MYO1H: variants seen among roughly 807,000 people sequenced by gnomAD.
The protein encoded by MYO1H is myosin IH.
Under a neutral mutation model 149.3 loss-of-function variants are expected in MYO1H, and 118 were observed. The ratio of observed to expected loss-of-function variants is 0.79; its 90% CI spans 0.68 to 0.92. The LOEUF is 0.92. Ranked by LOEUF, MYO1H falls within the 40% of genes least tolerant of loss-of-function variation. The pLI is 0.00. For missense variants in MYO1H, 1,212 were observed against 1,280.7 expected, an observed-to-expected ratio of 0.95 and a Z score of 0.82; for synonymous variants, 447 against 465.2, an observed-to-expected ratio of 0.96 and a Z score of 0.50.
At chr12:109,342,670 G>GT in the MYO1H span, among the ~76,000 whole-genome samples, 1 of 149,856 alleles carries the variant, frequency 6.7e-6, no homozygotes, top group Non-Finnish European at 1.5e-5. Context: ...AGCCTTCCAA[G>GT]TATTTGGGAC....
intron 6 of MYO1H, among the ~76,000 whole-genome samples, chr12:109,403,710 A>G (rs1055635493): frequency 6.6e-6 from 1 of 152,228 alleles, no homozygotes; most frequent in Non-Finnish European, 1.5e-5. Context: ...TAAGAAAACT[A>G]TGTTTAAAAA....
chr12:109,397,818 C>T lies in MYO1H; in HGVS notation c.570+6C>T. 2 of 1,603,092 alleles carry T rather than the reference C, an allele frequency of 1.2e-6. No individual in the cohort carries two copies. The highest frequency in any genetic ancestry group is 2.3e-5 in the East Asian group (1 of 44,258). ...ATATACAATTTGATTTTCAGGTACA[C>T]TGAAGCTCCTATTACTGGTTCATGG... On this transcript the variant is annotated splice_donor_region_variant and intron_variant, in intron 5 of 31. Coordinates refer to ENST00000310903, the Ensembl canonical transcript of MYO1H.
exon 22 of MYO1H, chr12:109,436,506 C>G: frequency 6.2e-7 from 1 of 1,611,274 alleles, no homozygotes; most frequent in Non-Finnish European, 8.5e-7. Context: ...ATCCAAGCCA[C>G]TTACAAACGC....
the MYO1H span, among the ~76,000 whole-genome samples, chr12:109,324,444 G>A: frequency 6.6e-6 from 1 of 152,206 alleles, no homozygotes; most frequent in African/African-American, 2.4e-5. Flanking sequence ...AGATACTGTT[G>A]TGAATGTCTT....
the MYO1H span, among the ~76,000 whole-genome samples, chr12:109,335,334 C>T: frequency 2.3e-4 from 35 of 152,162 alleles, no homozygotes; most frequent in South Asian, 1.2e-3. Context: ...GTGCCATATA[C>T]TTTGAAACAA....
the MYO1H span, among the ~76,000 whole-genome samples, chr12:109,339,863 G>A: frequency 1.3e-5 from 2 of 152,132 alleles, no homozygotes; most frequent in African/African-American, 4.8e-5. Flanking sequence ...TGCACTGCTG[G>A]GAATGTCAAT....
chr12:109,416,831 T>C (rs1345149229), intron 15 of MYO1H, among the ~76,000 whole-genome samples: 1 of 151,864 alleles, frequency 6.6e-6, no homozygotes, highest in East Asian at 1.9e-4. Context: ...CTACTAAAAA[T>C]ACAAAAATTA....
chr12:109,411,486 A>G (rs1332698951), intron 13 of MYO1H, among the ~76,000 whole-genome samples: 1 of 152,266 alleles, frequency 6.6e-6, no homozygotes, highest in African/African-American at 2.4e-5. Context: ...CTTAAGAAAT[A>G]TAAAAACTTC....
Position 109,349,497 on chromosome 12 carries a change from C to CA in MYO1H, c.12+1532dup, listed in dbSNP as rs1555247607. ...GAGCAACATAGTGTGACCCCCCCAC[C>CA]AAAAAAATTAAAAAGTAGCTAGATA... On this transcript the variant is annotated intron_variant, in intron 1 of 31. Transcript: ENST00000310903. Among the ~76,000 whole-genome samples the CA allele has an allele frequency of 5.8e-4, 84 of 144,514 alleles. 2 individuals are homozygous for CA. The highest frequency in any genetic ancestry group is 2.2e-3 in the African/African-American group (82 of 37,560). The allele number at this position is 144,514 out of a possible 152,430, so 94.8% of individuals were successfully genotyped here.
At chr12:109,443,040 G>GTGTATATATGTGTACGTA (rs1555255532) in intron 27 of MYO1H, among the ~76,000 whole-genome samples, 11 of 42,734 alleles carry the variant, frequency 2.6e-4, no homozygotes, top group Admixed American at 5.2e-4. Flanking sequence ...GTGTGTGTGT[G>GTGTATATATGTGTACGTA]TGTGTGTATA....
chr12:109,405,012 ACTAGC>A (rs1874556789), intron 7 of MYO1H, among the ~76,000 whole-genome samples: 1 of 152,016 alleles, frequency 6.6e-6, no homozygotes, highest in African/African-American at 2.4e-5. Flanking sequence ...GCAGTTTGAG[ACTAGC>A]CTGGGGAACA....
intron 1 of MYO1H, among the ~76,000 whole-genome samples, chr12:109,348,877 G>A (rs57041391): frequency 0.026 from 3,965 of 152,314 alleles, 72 homozygotes; most frequent in Middle Eastern, 0.061. Context: ...GTTCACAGAA[G>A]CCTCAGGCAC....
intron 6 of MYO1H, 78 bp downstream of exon 6, chr12:109,401,350 T>A: frequency 2.1e-6 from 3 of 1,417,232 alleles, no homozygotes; most frequent in Non-Finnish European, 2.9e-6. Context: ...TGCTGTAGGA[T>A]GTTTGAGACA....
chr12:109,396,026 C>T (rs1230978135), intron 3 of MYO1H, among the ~76,000 whole-genome samples: 1 of 152,040 alleles, frequency 6.6e-6, no homozygotes, highest in Non-Finnish European at 1.5e-5. Flanking sequence ...TCAAGCAATT[C>T]TCCTGCCTCA....
the MYO1H span, among the ~76,000 whole-genome samples, chr12:109,327,134 C>CTTTTTTTTTTTTTTT: frequency 1.1e-5 from 1 of 94,744 alleles, no homozygotes; most frequent in Non-Finnish European, 2.0e-5. Flanking sequence ...TTTTCTTTTT[C>CTTTTTTTTTTTTTTT]TTTTTTTTTT....
intron 1 of MYO1H, among the ~76,000 whole-genome samples, chr12:109,358,139 C>G (rs1190636190): frequency 6.6e-6 from 1 of 151,112 alleles, no homozygotes; most frequent in African/African-American, 2.4e-5. Context: ...AGGTTTGGCT[C>G]GATGACCAGA....
At chr12:109,354,630 A>AAAG (rs1555247916) in intron 1 of MYO1H, among the ~76,000 whole-genome samples, 118 of 134,042 alleles carry the variant, frequency 8.8e-4, no homozygotes, top group African/African-American at 3.3e-3. Context: ...AAAAAAAAAA[A>AAAG]AAAAGAAAAG....
exon 32 of MYO1H, chr12:109,447,354 TC>T (rs1384810202): frequency 9.0e-6 from 6 of 665,964 alleles, no homozygotes; most frequent in Non-Finnish European, 1.6e-5. Context: ...TAATCCCAGC[TC>T]CTCAGCTGCC....
chr12:109,338,139 G>A, the MYO1H span, among the ~76,000 whole-genome samples: 45,747 of 151,936 alleles, frequency 0.3, 7,449 homozygotes, highest in Middle Eastern at 0.4. Context: ...CGCCATTATG[G>A]CTCACTGCAG....
Sources: allele counts gnomAD v4.1 joint callset (sites outside exome capture counted in the v4.1 genomes callset), GRCh38; gene constraint gnomAD v4.1.1; transcripts MANE v1.5; gene names NCBI Gene and HGNC (gene_info 2026-07-23, HGNC 2026-07-21).